PLA2G4F: variants seen among roughly 807,000 people sequenced by gnomAD.
The protein encoded by PLA2G4F is cytosolic phospholipase A2 zeta.
PLA2G4F carries 105 observed loss-of-function variants against 103.1 expected under a neutral mutation model. The ratio of observed to expected loss-of-function variants is 1.02; its 90% CI spans 0.87 to 1.20. The LOEUF is 1.20. Among genes scored for constraint, PLA2G4F ranks in the 50% most tolerant of loss-of-function variants. The pLI is 0.00. For synonymous variants in PLA2G4F, 468 were observed against 441.1 expected (o/e 1.06, Z -0.76); for missense variants, 1,155 against 1,075.9 (o/e 1.07, Z -1.03).
At chr15:42,143,591 A>G (rs1319362562) in intron 18 of PLA2G4F, among the ~76,000 whole-genome samples, 1 of 152,142 alleles carries the variant, frequency 6.6e-6, no homozygotes, top group Non-Finnish European at 1.5e-5. Context: ...GGGGACCCTC[A>G]TGGCTCTGTT....
chr15:42,149,474 G>A (rs1277111395), intron 11 of PLA2G4F: 1 of 981,152 alleles, frequency 1.0e-6, no homozygotes, highest in Non-Finnish European at 1.2e-6. Flanking sequence ...AGTCATTTCT[G>A]TCATTTAAGC....
chr15:42,152,621 C>T (rs1260261370), intron 7 of PLA2G4F, 67 bp downstream of exon 7: 8 of 1,502,934 alleles, frequency 5.3e-6, no homozygotes, highest in East Asian at 2.5e-5. Context: ...AGACCCACCT[C>T]CTTGACATCA....
intron 8 of PLA2G4F, 54 bp from the exon 9 acceptor site, chr15:42,150,540 C>G: frequency 1.3e-6 from 2 of 1,598,126 alleles, no homozygotes; most frequent in Non-Finnish European, 1.7e-6. Flanking sequence ...AAAGTCTCCC[C>G]CAACGTGGCC....
intron 10 of PLA2G4F, 113 bp from the exon 11 acceptor site, chr15:42,149,961 A>C: frequency 6.6e-7 from 1 of 1,524,546 alleles, no homozygotes; most frequent in Non-Finnish European, 9.1e-7. Context: ...GGATCCGCCC[A>C]CCAGCACCAG....
rs1238062361 is a variant in PLA2G4F at position 42,141,976 on chromosome 15, T to G, written c.*8A>C. The G allele has an allele frequency of 6.2e-7, 1 of 1,611,482 alleles. No homozygotes were observed. The highest frequency in any genetic ancestry group is 1.1e-5 in the South Asian group (1 of 90,916). ...CTCTCTGTCACAGTCCTCCGCTTCC[T>G]GCCTTGGTCAGGCCCCTGCCCTCTC... is the stretch of plus-strand genomic sequence containing the variant. On this transcript the variant is annotated 3_prime_UTR_variant, in exon 20 of 20. Transcript: ENST00000397272.
chr15:42,147,586 G>T, intron 12 of PLA2G4F, 40 bp downstream of exon 12: 1 of 1,602,104 alleles, frequency 6.2e-7, no homozygotes, highest in Non-Finnish European at 8.5e-7. Context: ...ACACTTTGTG[G>T]GGTCTCCTTT....
chr15:42,149,229 A>G (rs2048926905), intron 11 of PLA2G4F: 1 of 921,840 alleles, frequency 1.1e-6, no homozygotes, highest in Non-Finnish European at 1.3e-6. Flanking sequence ...AGGGCCTACA[A>G]GGAGGTAATA....
chr15:42,141,076 G>C lies in PLA2G4F; in HGVS notation c.*908C>G. ...GGAAAGAGGCAAGAGCCCAGGCGAG[G>C]CTCCCTCTGCACTGCCCATGCCTTG... On this transcript the variant is annotated 3_prime_UTR_variant, in exon 20 of 20. Transcript: ENST00000397272. The C allele has an allele frequency of 2.8e-6, 1 of 360,650 alleles. No homozygotes were observed. The highest frequency in any genetic ancestry group is 5.6e-6 in the Non-Finnish European group (1 of 179,468). The allele number at this position is 360,650 out of a possible 1,614,324, so 22.3% of individuals were successfully genotyped here.
rs568121372 is a variant in PLA2G4F, at chr15:42,154,998, A to G, written c.184+519T>C. On this transcript the variant is annotated intron_variant, in intron 2 of 19. Transcript: ENST00000397272. ...ACATGTGTAGTACTCTCACACTGGC[A>G]CACACACACGTATATACACACACTC... 7.4e-3 allele frequency among the ~76,000 whole-genome samples: 1,100 copies of G among 148,960 alleles called. 11 individuals carry two copies. The highest frequency in any genetic ancestry group is 0.026 in the African/African-American group (1,061 of 40,282).
chr15:42,147,486 G>T, intron 12 of PLA2G4F, 140 bp from the exon 13 acceptor site: 1 of 1,374,064 alleles, frequency 7.3e-7, no homozygotes, highest in Non-Finnish European at 1.0e-6. Flanking sequence ...GGGGCGCTTG[G>T]GACTCAGCCT....
chr15:42,149,564 A>T lies in PLA2G4F; in HGVS notation c.1059+149T>A, dbSNP rs549027570. On this transcript the variant is annotated intron_variant, in intron 11 of 19. Transcript: ENST00000397272. ...CAGGGCCGTTTGGCCCTGGTCCCAT[A>T]TGGGGTCCTAGCTCTGCCGATGGTG... is the stretch of plus-strand genomic sequence containing the variant. 112 of 1,427,914 alleles carry T rather than the reference A, an allele frequency of 7.8e-5. No individual in the cohort carries two copies. The East Asian group carries it at 2.6e-3, about 33-fold the overall frequency. 88.5% of individuals were successfully genotyped at this position (1,427,914 alleles called of 1,614,324 possible).
intron 11 of PLA2G4F, 174 bp from the exon 12 acceptor site, chr15:42,147,936 A>G (rs2048911694): frequency 1.6e-6 from 1 of 629,224 alleles, no homozygotes; most frequent in African/African-American, 2.0e-5. Context: ...CACGCCTGTA[A>G]TCCCAGCACT....
At position 42,152,391 on chromosome 15, in the gene PLA2G4F, G is replaced by A. The variant is rs570667803; in HGVS notation, c.601+297C>T. 4.2e-4 allele frequency among the ~76,000 whole-genome samples: 64 copies of A among 152,322 alleles called. No individual in the cohort carries two copies. In the South Asian group the frequency reaches 0.013, roughly 30 times the overall value. On this transcript the variant is annotated intron_variant, in intron 7 of 19. Transcript: ENST00000397272. ...CATGGCACAGGGCTGGGCCACCCCC[G>A]CCAAGCCCAGCCCAGCTGACTGCCA... is the stretch of plus-strand genomic sequence containing the variant.
rs1408179092 is a variant in PLA2G4F, at chr15:42,144,594, GC to G, written c.1830del (p.Arg610SerfsTer107). The G allele has an allele frequency of 1.2e-6, 2 of 1,612,290 alleles. No individual in the cohort carries two copies. Among genetic ancestry groups the G allele is most frequent in the Admixed American group, 3.3e-5 (2 of 59,900 alleles). On this transcript the variant is annotated frameshift_variant, in exon 17 of 20. Transcript: ENST00000397272. LOFTEE classifies it high-confidence loss of function. The part of the protein sequence containing the change: ...QLHNPSRLRT[R>X]LLTPQGPFSQ... ...GAGAAGGGCCCCTGTGGGGTGAGGA[GC>G]CTCGTTCGCAGCCTCGAGGGGTTGT...
In PLA2G4F at chr15:42,144,222, G is replaced by GT. The variant is rs1240687803; in HGVS notation, c.1976-79dup. 1.1e-5 allele frequency: 17 copies of GT among 1,498,912 alleles called. No individual in the cohort carries two copies. The Admixed American group carries it at 3.1e-4, about 27-fold the overall frequency. The allele number at this position is 1,498,912 out of a possible 1,614,324, so 92.9% of individuals were successfully genotyped here. On this transcript the variant is annotated intron_variant, in intron 17 of 19. Coordinates refer to ENST00000397272, the MANE Select transcript of PLA2G4F (RefSeq NM_213600.4). Reference sequence around the variant, plus strand: ...CAACCGCTTCTGTATTTGCATTCACGTTTGCCTTCTCTCTGTAGAGTTCTC... The same window carrying GT: ...CAACCGCTTCTGTATTTGCATTCACGTTTTGCCTTCTCTCTGTAGAGTTCTC...
intron 19 of PLA2G4F, 93 bp from the exon 20 acceptor site, chr15:42,142,297 G>A: frequency 7.6e-7 from 1 of 1,310,324 alleles, no homozygotes; most frequent in Non-Finnish European, 1.0e-6. Flanking sequence ...CAGGACACCT[G>A]GCTGGCTCCC....
chr15:42,149,434 C>T (rs964670164), intron 11 of PLA2G4F: 9 of 938,262 alleles, frequency 9.6e-6, no homozygotes, highest in African/African-American at 1.8e-5. Flanking sequence ...ACCTTCATCT[C>T]GGACTTCCAG....
chr15:42,144,684 C>T, intron 16 of PLA2G4F, 40 bp from the exon 17 acceptor site: 1 of 1,516,248 alleles, frequency 6.6e-7, no homozygotes, highest in Non-Finnish European at 8.8e-7. Flanking sequence ...GGGAAAGTGG[C>T]ATCCTCCTTT....
chr15:42,153,735 C>T (rs1595624764), intron 4 of PLA2G4F, 75 bp from the exon 5 acceptor site: 5 of 1,534,824 alleles, frequency 3.3e-6, no homozygotes, highest in Non-Finnish European at 4.5e-6. Context: ...CCTGCCAGCC[C>T]TGCTTGGCTC....
Sources: allele counts gnomAD v4.1 joint callset (sites outside exome capture counted in the v4.1 genomes callset), GRCh38; gene constraint gnomAD v4.1.1; transcripts MANE v1.5; gene names NCBI Gene and HGNC (gene_info 2026-07-23, HGNC 2026-07-21).